The following WDFY2 variants were observed in gnomAD, a reference collection of about 807,000 sequenced individuals.
WDFY2 encodes the protein WD repeat and FYVE domain-containing protein 2.
In WDFY2, 36 loss-of-function variants were observed where a neutral mutation model predicts 56.4. The ratio of observed to expected loss-of-function variants is 0.64; its 90% CI spans 0.49 to 0.84. WDFY2 has a LOEUF of 0.84. WDFY2 is among the 40% of genes least tolerant of loss of function. The pLI, the probability that WDFY2 is intolerant of heterozygous loss-of-function variation, is 0.00. For missense variants in WDFY2, 444 were observed against 512.2 expected, an observed-to-expected ratio of 0.87 and a Z score of 1.29; for synonymous variants, 176 against 183.7, an observed-to-expected ratio of 0.96 and a Z score of 0.34.
intron 1 of WDFY2, 56 bp downstream of exon 1, chr13:51,584,880 G>A (rs1953906281): frequency 2.5e-6 from 4 of 1,602,554 alleles, no homozygotes; most frequent in Admixed American, 1.7e-5. Flanking sequence ...GACGGCCCTC[G>A]AGCCCGCGTC....
At chr13:51,709,058 T>C (rs962157484) in intron 4 of WDFY2, among the ~76,000 whole-genome samples, 3 of 152,202 alleles carry the variant, frequency 2.0e-5, no homozygotes, top group African/African-American at 7.2e-5. Flanking sequence ...AGATAGAAAT[T>C]TTAATATTTT....
At chr13:51,655,404 G>T (rs960966385) in intron 1 of WDFY2, among the ~76,000 whole-genome samples, 2 of 151,708 alleles carry the variant, frequency 1.3e-5, no homozygotes, top group South Asian at 4.2e-4. Flanking sequence ...TTTCATGAAA[G>T]ATTGTTGAAT....
At chr13:51,642,784 G>T (rs1955193933) in intron 1 of WDFY2, among the ~76,000 whole-genome samples, 1 of 148,634 alleles carries the variant, frequency 6.7e-6, no homozygotes, top group African/African-American at 2.5e-5. Flanking sequence ...AGGTTCAAGT[G>T]ATTCTCCTGC....
In WDFY2 at chr13:51,704,731, TAAA is replaced by T. The variant is rs201867100; in HGVS notation, c.334+1083_334+1085del. 9.1e-3 allele frequency among the ~76,000 whole-genome samples: 1,389 copies of T among 152,348 alleles called. 17 individuals are homozygous for T. The highest frequency in any genetic ancestry group is 0.032 in the African/African-American group (1,313 of 41,574). ...TTAAGTTACCTGAGCCTTTATTCTT[TAAA>T]ACAGTTTTTACATGTATCCTATAAA... is the stretch of plus-strand genomic sequence containing the variant. On this transcript the variant is annotated intron_variant, in intron 4 of 11. Transcript: ENST00000298125.
intron 7 of WDFY2, among the ~76,000 whole-genome samples, chr13:51,740,119 C>G (rs1350366324): frequency 1.3e-5 from 2 of 152,200 alleles, no homozygotes; most frequent in East Asian, 3.8e-4. Context: ...AAATATTCTC[C>G]TAAATAGTTA....
At chr13:51,739,224 T>G (rs1192738734) in intron 7 of WDFY2, 49 bp downstream of exon 7, 20 of 1,532,252 alleles carry the variant, frequency 1.3e-5, no homozygotes, top group Non-Finnish European at 1.8e-5. Flanking sequence ...GATTCTCAGC[T>G]GACAGCTAGA....
chr13:51,597,304 C>G (rs1954169726), intron 1 of WDFY2, among the ~76,000 whole-genome samples: 1 of 152,118 alleles, frequency 6.6e-6, no homozygotes, highest in Non-Finnish European at 1.5e-5. Flanking sequence ...GGGTCTTTGG[C>G]TATAATTGAA....
intron 7 of WDFY2, among the ~76,000 whole-genome samples, chr13:51,743,060 A>T (rs1426998707): frequency 1.3e-5 from 2 of 152,240 alleles, no homozygotes; most frequent in Non-Finnish European, 2.9e-5. Flanking sequence ...GGACAGGTGG[A>T]CAAGGATCAG....
At chr13:51,672,004 A>G (rs1234047330) in intron 2 of WDFY2, among the ~76,000 whole-genome samples, 2 of 151,910 alleles carry the variant, frequency 1.3e-5, no homozygotes, top group Non-Finnish European at 2.9e-5. Context: ...GGCTGGTCTC[A>G]ATCTCCTGAC....
chr13:51,627,350 A>G (rs1555305396), intron 1 of WDFY2, among the ~76,000 whole-genome samples: 1 of 151,838 alleles, frequency 6.6e-6, no homozygotes, highest in Non-Finnish European at 1.5e-5. Flanking sequence ...CAGGACCTCC[A>G]TTTGACGGGT....
chr13:51,729,428 C>A (rs975561666), intron 6 of WDFY2, among the ~76,000 whole-genome samples: 313 of 144,824 alleles, frequency 2.2e-3, no homozygotes, highest in African/African-American at 5.4e-3. Context: ...AAAAAAAAAA[C>A]CACATATTTC....
chr13:51,595,344 G>A (rs937094511), intron 1 of WDFY2, among the ~76,000 whole-genome samples: 6 of 152,176 alleles, frequency 3.9e-5, no homozygotes, highest in East Asian at 1.9e-4. Context: ...GAAGTCCACC[G>A]TTGGACAGAT....
intron 1 of WDFY2, chr13:51,598,854 G>A (rs576194710): frequency 2.6e-5 from 4 of 151,148 alleles, no homozygotes; most frequent in African/African-American, 7.3e-5. Flanking sequence ...AATTCAGCAC[G>A]AGATTGATTT....
rs1209572281 is a variant in WDFY2, at chr13:51,666,159, A to G, written c.205+5496A>G. On this transcript the variant is annotated intron_variant, in intron 2 of 11. Transcript: ENST00000298125. ...CAAAAGCCTGTTTGAGAGAAAGGCT[A>G]TTTGTGGTGAACAGCATGAACGATA... Among the ~76,000 whole-genome samples, 3 of 152,214 alleles carry G rather than the reference A, an allele frequency of 2.0e-5. No individual in the cohort carries two copies. The South Asian group carries it at 6.2e-4, about 31-fold the overall frequency.
chr13:51,756,186 G>A, intron 9 of WDFY2, 146 bp from the exon 10 acceptor site: 2 of 1,191,592 alleles, frequency 1.7e-6, no homozygotes, highest in Non-Finnish European at 2.3e-6. Flanking sequence ...CACATCCAAT[G>A]TGTTCCCTTT....
At chr13:51,722,999 AC>A (rs1363754483) in intron 5 of WDFY2, among the ~76,000 whole-genome samples, 1 of 152,218 alleles carries the variant, frequency 6.6e-6, no homozygotes, top group Non-Finnish European at 1.5e-5. Flanking sequence ...CCACAATGTC[AC>A]CCTGTGTAGT....
chr13:51,737,242 C>A (rs1952856917), intron 6 of WDFY2, among the ~76,000 whole-genome samples: 1 of 152,124 alleles, frequency 6.6e-6, no homozygotes, highest in African/African-American at 2.4e-5. Context: ...GCGCTAGGTA[C>A]TGTTTTGTGT....
chr13:51,598,905 C>CTTTTT (rs569169884), intron 1 of WDFY2, among the ~76,000 whole-genome samples: 5 of 115,772 alleles, frequency 4.3e-5, no homozygotes, highest in East Asian at 2.6e-4. Flanking sequence ...GTGCCATTTA[C>CTTTTT]TTTTTTTTTT....
Position 51,764,442 on chromosome 13 carries a change from A to C in WDFY2, c.*4673A>C, listed in dbSNP as rs1304286199. 6.5e-6 allele frequency: 1 copy of C among 153,002 alleles called. No homozygotes were observed. Among genetic ancestry groups the C allele is most frequent in the African/African-American group, 2.4e-5 (1 of 41,458 alleles). The allele number at this position is 153,002 out of a possible 1,614,324, so 9.5% of individuals were successfully genotyped here. A position where few individuals can be genotyped will look rare whatever the true frequency, so the allele number is the denominator to read the frequency against. ...TGGAAATGACTTTCCAGGCTTCAGAAACAGCATAAACAAACAAAGGCCTGA... is the reference window on the plus strand; with the variant it reads ...TGGAAATGACTTTCCAGGCTTCAGACACAGCATAAACAAACAAAGGCCTGA... On this transcript the variant is annotated 3_prime_UTR_variant, in exon 12 of 12. Transcript: ENST00000298125.
Sources: gnomAD v4.1 joint callset for allele counts (sites outside exome capture counted in the v4.1 genomes callset) on GRCh38, gnomAD v4.1.1 for gene constraint, MANE v1.5 for transcripts, NCBI Gene and HGNC (gene_info 2026-07-23, HGNC 2026-07-21) for gene names.